SEPSECS: variants seen among roughly 807,000 people sequenced by gnomAD.
SEPSECS encodes Sep (O-phosphoserine) tRNA:Sec (selenocysteine) tRNA synthase.
SEPSECS carries 42 observed loss-of-function variants against 52.1 expected under a neutral mutation model. The ratio of observed to expected loss-of-function variants is 0.81; its 90% CI spans 0.63 to 1.04. The LOEUF (loss-of-function observed/expected upper bound fraction) is 1.04, where lower values mean the gene tolerates loss of function less well. SEPSECS is among the 50% of genes least tolerant of loss of function. SEPSECS has a pLI of 0.00. For synonymous variants in SEPSECS, 216 were observed against 211.4 expected (o/e 1.02, Z -0.19); for missense variants, 590 against 610.6 (o/e 0.97, Z 0.36).
intron 1 of SEPSECS, chr4:25,160,031 AC>A: frequency 1.0e-6 from 1 of 985,226 alleles, no homozygotes; most frequent in Non-Finnish European, 1.2e-6. Context: ...CAAAACCCCG[AC>A]CCCAACACCC....
chr4:25,148,081 G>A (rs1005661126), intron 6 of SEPSECS, among the ~76,000 whole-genome samples: 40 of 152,038 alleles, frequency 2.6e-4, no homozygotes, highest in African/African-American at 8.2e-4. Flanking sequence ...GGCCAGGCAC[G>A]GTGGCTCACA....
At chr4:25,135,359 A>T (rs926095535) in intron 8 of SEPSECS, among the ~76,000 whole-genome samples, 1 of 151,794 alleles carries the variant, frequency 6.6e-6, no homozygotes, top group African/African-American at 2.4e-5. Flanking sequence ...TCAAATAGAC[A>T]CAACAAAAAT....
intron 5 of SEPSECS, among the ~76,000 whole-genome samples, chr4:25,153,026 T>C (rs1317715930): frequency 2.0e-5 from 3 of 151,970 alleles, no homozygotes; most frequent in Non-Finnish European, 4.4e-5. Flanking sequence ...TAACTGTAAG[T>C]AGGAATACCA....
At chr4:25,145,574 T>C (rs1194449788) in intron 6 of SEPSECS, among the ~76,000 whole-genome samples, 1 of 152,246 alleles carries the variant, frequency 6.6e-6, no homozygotes, top group Admixed American at 6.5e-5. Flanking sequence ...GGAACTTTAA[T>C]GAAACAAAGC....
In SEPSECS at chr4:25,123,340, G is replaced by A. The variant is rs1481500005; in HGVS notation, c.*591C>T. The A allele has an allele frequency of 6.3e-6, 1 of 158,816 alleles. No homozygotes were observed. Among genetic ancestry groups the A allele is most frequent in the Admixed American group, 5.9e-5 (1 of 16,866 alleles). The allele number at this position is 158,816 out of a possible 1,614,324, so 9.8% of individuals were successfully genotyped here. A position where few individuals can be genotyped will look rare whatever the true frequency, so the allele number is the denominator to read the frequency against. On this transcript the variant is annotated 3_prime_UTR_variant, in exon 11 of 11. Coordinates refer to ENST00000382103, the MANE Select transcript of SEPSECS (RefSeq NM_016955.4). ...GTAGCACCCTGGCCTCTATCCTCTA[G>A]ATGTTAACAGCATCCCACCAGTTGT...
At chr4:25,157,087 G>A (rs1259156197) in intron 2 of SEPSECS, 113 bp from the exon 3 acceptor site, 25 of 742,146 alleles carry the variant, frequency 3.4e-5, no homozygotes, top group Non-Finnish European at 6.0e-5. Flanking sequence ...ATATTTGGCT[G>A]TTACAGATAT....
At chr4:25,155,960 A>T in intron 4 of SEPSECS, 77 bp downstream of exon 4, 1 of 1,359,924 alleles carries the variant, frequency 7.4e-7, no homozygotes, top group Non-Finnish European at 1.0e-6. Flanking sequence ...TTTATTTTTC[A>T]TTTATCTATC....
In SEPSECS at chr4:25,122,770, T is replaced by C. The variant is rs1021398308; in HGVS notation, c.*1161A>G. 2 of 152,148 alleles carry C rather than the reference T, an allele frequency of 1.3e-5. No individual in the cohort carries two copies. Among genetic ancestry groups the C allele is most frequent in the African/African-American group, 2.4e-5 (1 of 41,436 alleles). 9.4% of individuals were successfully genotyped at this position (152,148 alleles called of 1,614,324 possible). ...TAAAATAGTCTTAAGTAAGTCTATT[T>C]CTTAAATTAACAACAAAAATTATTG... On this transcript the variant is annotated 3_prime_UTR_variant, in exon 11 of 11. Transcript: ENST00000382103.
intron 8 of SEPSECS, among the ~76,000 whole-genome samples, chr4:25,141,396 C>G (rs1212780087): frequency 1.3e-5 from 2 of 152,154 alleles, no homozygotes; most frequent in Non-Finnish European, 2.9e-5. Flanking sequence ...ATATCCTACT[C>G]TCTACTTTGC....
At chr4:25,125,813 C>G in intron 9 of SEPSECS, 29 bp from the exon 10 acceptor site, 1 of 1,418,202 alleles carries the variant, frequency 7.1e-7, no homozygotes, top group Non-Finnish European at 9.9e-7. Context: ...TCCTAATAAG[C>G]CTTGGTTTAC....
chr4:25,155,344 A>G (rs1234086682), intron 4 of SEPSECS, 193 bp from the exon 5 acceptor site: 9 of 619,766 alleles, frequency 1.5e-5, no homozygotes, highest in Admixed American at 1.1e-4. Context: ...GTGAGGGACT[A>G]CTACACAATT....
chr4:25,138,903 T>C (rs1327820213), intron 8 of SEPSECS, among the ~76,000 whole-genome samples: 1 of 152,212 alleles, frequency 6.6e-6, no homozygotes, highest in Non-Finnish European at 1.5e-5. Context: ...ATAAAGTGAC[T>C]CAAAACATAA....
intron 6 of SEPSECS, among the ~76,000 whole-genome samples, chr4:25,150,197 C>A (rs184362188): frequency 3.3e-4 from 50 of 152,252 alleles, no homozygotes; most frequent in Middle Eastern, 6.8e-3. Context: ...AGAGCATTTA[C>A]CATATTGGAG....
chr4:25,122,026 T>C lies in SEPSECS; in HGVS notation c.*1905A>G, dbSNP rs1031158166. 1 of 152,166 alleles carries C rather than the reference T, an allele frequency of 6.6e-6. No individual in the cohort carries two copies. The highest frequency in any genetic ancestry group is 1.5e-5 in the Non-Finnish European group (1 of 68,006). The allele number at this position is 152,166 out of a possible 1,614,324, so 9.4% of individuals were successfully genotyped here. On this transcript the variant is annotated 3_prime_UTR_variant, in exon 11 of 11. Transcript: ENST00000382103. ...TTTGCAACAACATTTCAATCCCTTT[T>C]TTGACTCTAGAGGTTGCAACTCTTC...
intron 1 of SEPSECS, chr4:25,159,880 A>G: frequency 3.6e-6 from 4 of 1,118,832 alleles, no homozygotes; most frequent in Non-Finnish European, 4.4e-6. Flanking sequence ...GTTAGCATAC[A>G]GTCTACAAAC....
intron 2 of SEPSECS, among the ~76,000 whole-genome samples, chr4:25,157,387 C>A (rs780596340): frequency 1.1e-4 from 17 of 152,134 alleles, no homozygotes; most frequent in Non-Finnish European, 2.2e-4. Flanking sequence ...CTGACTGCAA[C>A]TACATGACAG....
chr4:25,160,147 T>C, intron 1 of SEPSECS, 109 bp downstream of exon 1: 1 of 1,517,216 alleles, frequency 6.6e-7, no homozygotes, highest in Non-Finnish European at 8.9e-7. Context: ...GACTTGGGAC[T>C]AGTCTCAAGC....
intron 6 of SEPSECS, among the ~76,000 whole-genome samples, chr4:25,147,081 T>C (rs768374443): frequency 1.3e-4 from 20 of 152,218 alleles, no homozygotes; most frequent in Non-Finnish European, 2.5e-4. Flanking sequence ...TCTCACATAT[T>C]CCAAGCACGC....
chr4:25,133,860 T>C (rs1481387485), intron 8 of SEPSECS, among the ~76,000 whole-genome samples: 1 of 151,850 alleles, frequency 6.6e-6, no homozygotes. Flanking sequence ...TATGCCTGTA[T>C]CCCAGCACTC....
Sources: gnomAD v4.1 joint callset for allele counts (sites outside exome capture counted in the v4.1 genomes callset) on GRCh38, gnomAD v4.1.1 for gene constraint, MANE v1.5 for transcripts, NCBI Gene and HGNC (gene_info 2026-07-23, HGNC 2026-07-21) for gene names.